POT1: variants seen among roughly 807,000 people sequenced by gnomAD.
POT1 encodes the protein protection of telomeres 1, also known as protection of telomeres protein 1.
In POT1, 47 loss-of-function variants were observed where a neutral mutation model predicts 78.5. The observed-to-expected ratio is 0.60, with a 90% CI of 0.47 to 0.76. The LOEUF (loss-of-function observed/expected upper bound fraction) is 0.76, where lower values mean the gene tolerates loss of function less well. Ranked by LOEUF, POT1 falls within the 30% of genes least tolerant of loss-of-function variation. POT1 has a pLI of 0.00. For missense variants in POT1, 646 were observed against 749.9 expected, an observed-to-expected ratio of 0.86 and a Z score of 1.62; for synonymous variants, 259 against 260.7, an observed-to-expected ratio of 0.99 and a Z score of 0.06.
chr7:124,902,346 G>C (rs866452162), intron 3 of POT1, among the ~76,000 whole-genome samples: 1 of 152,168 alleles, frequency 6.6e-6, no homozygotes, highest in African/African-American at 2.4e-5. Flanking sequence ...AACTCTACAA[G>C]CCAGAAGAGA....
intron 11 of POT1, among the ~76,000 whole-genome samples, chr7:124,850,141 C>T (rs1454352838): frequency 6.6e-6 from 1 of 152,120 alleles, no homozygotes; most frequent in Non-Finnish European, 1.5e-5. Context: ...GTCATCTGAA[C>T]TAAATTGGTT....
At chr7:124,859,275 A>G (rs895061590) in intron 8 of POT1, among the ~76,000 whole-genome samples, 163 bp from the exon 9 acceptor site, 1 of 152,210 alleles carries the variant, frequency 6.6e-6, no homozygotes, top group Non-Finnish European at 1.5e-5. Context: ...AGAACTACAT[A>G]TGAAATATGG....
In POT1 at chr7:124,823,960, T is replaced by C. The variant is rs778122126; in HGVS notation, c.*2A>G. 1.3e-6 allele frequency: 2 copies of C among 1,543,256 alleles called. No individual in the cohort carries two copies. Among genetic ancestry groups the C allele is most frequent in the South Asian group, 1.1e-5 (1 of 88,226 alleles). ...TTATGTATGCTAAATTGGATGGCAA[T>C]ATTAGATTACATCTTCTGCAACTGT... On this transcript the variant is annotated 3_prime_UTR_variant, in exon 19 of 19. Transcript: ENST00000357628.
At chr7:124,915,498 C>T (rs1341112457) in intron 3 of POT1, 76 bp downstream of exon 3, 1 of 151,984 alleles carries the variant, frequency 6.6e-6, no homozygotes, top group Non-Finnish European at 1.5e-5. Context: ...AATACACACA[C>T]ATATATATAT....
chr7:124,830,040 T>C (rs553238738), intron 15 of POT1, among the ~76,000 whole-genome samples: 2 of 152,232 alleles, frequency 1.3e-5, no homozygotes, highest in South Asian at 2.1e-4. Flanking sequence ...TTAATAAATA[T>C]GGCCAATAGA....
intron 7 of POT1, among the ~76,000 whole-genome samples, chr7:124,865,251 T>C (rs571357605): frequency 4.6e-5 from 7 of 152,126 alleles, no homozygotes; most frequent in Non-Finnish European, 1.0e-4. Flanking sequence ...TTCTCAATGG[T>C]TTCACATTGA....
In POT1 at chr7:124,823,986, G is replaced by T. The variant is rs1584745500; in HGVS notation, c.1881C>A (p.Thr627=). The T allele has an allele frequency of 6.3e-7, 1 of 1,590,196 alleles. No homozygotes were observed. Among genetic ancestry groups the T allele is most frequent in the Non-Finnish European group, 8.6e-7 (1 of 1,159,966 alleles). ...DNQICYQIFD[T]TVAEDVI Reference sequence around the variant, plus strand: ...ATTAGATTACATCTTCTGCAACTGTGGTGTCAAAAATCTGATAGCAAATTT... The same window carrying T: ...ATTAGATTACATCTTCTGCAACTGTTGTGTCAAAAATCTGATAGCAAATTT... Residue 627 remains threonine (T), a synonymous_variant, in exon 19 of 19, where the codon ACC becomes ACA. Transcript: ENST00000357628.
At chr7:124,892,215 A>T in intron 6 of POT1, 51 bp downstream of exon 6, 5 of 1,143,776 alleles carry the variant, frequency 4.4e-6, no homozygotes, top group Non-Finnish European at 6.3e-6. Context: ...CGTGTTCCTA[A>T]ATCAATAATG....
chr7:124,856,706 G>A (rs1468545789), intron 9 of POT1, among the ~76,000 whole-genome samples: 2 of 152,152 alleles, frequency 1.3e-5, no homozygotes, highest in African/African-American at 4.8e-5. Flanking sequence ...TAGGGAAAGA[G>A]AAGGGAATAA....
chr7:124,921,884 A>G (rs1797160087), intron 2 of POT1, among the ~76,000 whole-genome samples: 1 of 152,142 alleles, frequency 6.6e-6, no homozygotes, highest in African/African-American at 2.4e-5. Flanking sequence ...AAAATATTTC[A>G]AGAAATATTA....
intron 2 of POT1, among the ~76,000 whole-genome samples, chr7:124,921,850 A>G (rs923356945): frequency 1.3e-5 from 2 of 152,098 alleles, no homozygotes; most frequent in African/African-American, 4.8e-5. Context: ...AAAAGAGAAA[A>G]GGGTAATAAT....
chr7:124,893,270 C>T (rs1796415891), intron 5 of POT1, among the ~76,000 whole-genome samples: 1 of 151,226 alleles, frequency 6.6e-6, no homozygotes, highest in African/African-American at 2.4e-5. Context: ...TCCCCTTACC[C>T]CCATGCTATT....
chr7:124,853,086 T>C lies in POT1; in HGVS notation c.755A>G (p.Asn252Ser). The part of the protein sequence containing the change: ...YSLHTKLQSM[N>S]SENQTMLSLE... ...ACTTAACATTGTCTGATTCTCTGAA[T>C]TCATTGATTGAAGTTTGGTATGAAG... Residue 252 changes from asparagine to serine, a missense_variant, in exon 10 of 19, where the codon AAT becomes AGT. Asn to Ser is a conservative substitution (Grantham distance 46). Coordinates refer to ENST00000357628, the MANE Select transcript of POT1 (RefSeq NM_015450.3). 6.2e-7 allele frequency: 1 copy of C among 1,608,974 alleles called. No individual in the cohort carries two copies. Among genetic ancestry groups the C allele is most frequent in the Non-Finnish European group, 8.5e-7 (1 of 1,175,582 alleles).
In POT1 at chr7:124,871,006, T is replaced by G; in HGVS notation, c.160A>C (p.Asn54His). 6.2e-7 allele frequency: 1 copy of G among 1,609,848 alleles called. No individual in the cohort carries two copies. The highest frequency in any genetic ancestry group is 8.5e-7 in the Non-Finnish European group (1 of 1,177,392). The change falls in exon 7 of 19, where the codon AAT (asparagine) becomes CAT (histidine). Residue 54 changes from asparagine to histidine, a missense_variant. By Grantham distance (68) the Asn-to-His change is moderately conservative. Around this residue, in one of 2 missense-constraint regions of POT1, gnomAD observed 252 missense variants for 341.4 expected, o/e 0.74. Transcript: ENST00000357628. ...CSVVTIVDQT[N>H]VKLTCLLFSG... ...AAGAGCAGGCAAGTTAGTTTTACAT[T>G]TGTCTGGTCCACAATAGTTACAACT... is the stretch of plus-strand genomic sequence containing the variant.
intron 14 of POT1, among the ~76,000 whole-genome samples, chr7:124,838,675 G>A (rs1794952329): frequency 6.6e-6 from 1 of 151,582 alleles, no homozygotes; most frequent in Non-Finnish European, 1.5e-5. Context: ...GCGCGATCTC[G>A]GCTCACCGCA....
chr7:124,828,538 T>C (rs1794685303), intron 16 of POT1, among the ~76,000 whole-genome samples: 1 of 152,142 alleles, frequency 6.6e-6, no homozygotes, highest in Non-Finnish European at 1.5e-5. Context: ...CAGACATTAA[T>C]ACAGGGGAAC....
intron 5 of POT1, among the ~76,000 whole-genome samples, chr7:124,894,569 T>G (rs957353583): frequency 6.6e-6 from 1 of 151,648 alleles, no homozygotes; most frequent in Non-Finnish European, 1.5e-5. Flanking sequence ...TAAATTGATA[T>G]TTTTTGCTTC....
intron 6 of POT1, among the ~76,000 whole-genome samples, chr7:124,874,065 C>G (rs894750110): frequency 1.3e-5 from 2 of 152,196 alleles, no homozygotes; most frequent in South Asian, 4.1e-4. Flanking sequence ...AAAATGACTT[C>G]AGGCAGCATC....
At chr7:124,865,874 A>C (rs549082800) in intron 7 of POT1, among the ~76,000 whole-genome samples, 41 of 152,130 alleles carry the variant, frequency 2.7e-4, no homozygotes, top group Admixed American at 1.1e-3. Flanking sequence ...GTTTTTGTTT[A>C]ATAAAGACAA....
Sources: gnomAD v4.1 joint callset for allele counts (sites outside exome capture counted in the v4.1 genomes callset) on GRCh38, gnomAD v4.1.1 for gene constraint, gnomAD v4.1.1 regional missense constraint, MANE v1.5 for transcripts, NCBI Gene and HGNC (gene_info 2026-07-23, HGNC 2026-07-21) for gene names.